The following GSR variants were observed in gnomAD, a reference collection of about 807,000 sequenced individuals.
GSR encodes glutathione reductase, mitochondrial.
In GSR, 48 loss-of-function variants were observed where a neutral mutation model predicts 56.5. That is an observed-to-expected ratio of 0.85 (90% CI 0.67 to 1.08). The LOEUF is 1.08. Among genes scored for constraint, GSR ranks in the 50% least tolerant of loss-of-function variants. The pLI, the probability that GSR is intolerant of heterozygous loss-of-function variation, is 0.00. For missense variants in GSR, 694 were observed against 703.3 expected (o/e 0.99, Z 0.15); for synonymous variants, 264 against 270.8 (o/e 0.97, Z 0.25).
intron 1 of GSR, among the ~76,000 whole-genome samples, chr8:30,718,298 C>T (rs1804411111): frequency 6.6e-6 from 1 of 151,912 alleles, no homozygotes; most frequent in Admixed American, 6.6e-5. Flanking sequence ...GAGCACAGGC[C>T]TCAAGTCAGA....
Position 30,727,677 on chromosome 8 carries a change from C to A in GSR, c.159G>T (p.Gln53His). 1 of 1,440,422 alleles carries A rather than the reference C, an allele frequency of 6.9e-7. No individual in the cohort carries two copies. Among genetic ancestry groups the A allele is most frequent in the African/African-American group, 1.5e-5 (1 of 66,642 alleles). The allele number at this position is 1,440,422 out of a possible 1,614,324, so 89.2% of individuals were successfully genotyped here. A position where few individuals can be genotyped will look rare whatever the true frequency, so the allele number is the denominator to read the frequency against. ...CGGCGCCAGCAGCGGGCGGCGGGCCCTGCGGCTGCGGCTCCTGCCTGCAGG... is the reference window on the plus strand; with the variant it reads ...CGGCGCCAGCAGCGGGCGGCGGGCCATGCGGCTGCGGCTCCTGCCTGCAGG... ...AMACRQEPQP[Q>H]GPPPAAGAVA... Residue 53 changes from glutamine (Q) to histidine (H), a missense_variant, in exon 1 of 13, where the codon CAG becomes CAT. Coordinates refer to ENST00000221130, the MANE Select transcript of GSR (RefSeq NM_000637.5).
intron 8 of GSR, among the ~76,000 whole-genome samples, chr8:30,690,541 G>A (rs73670181): frequency 0.02 from 3,059 of 152,102 alleles, 98 homozygotes; most frequent in African/African-American, 0.07. Flanking sequence ...TTTACTGAAG[G>A]TCCTAAGGTG....
At chr8:30,689,904 T>G (rs959899756) in intron 8 of GSR, among the ~76,000 whole-genome samples, 3 of 143,006 alleles carry the variant, frequency 2.1e-5, no homozygotes, top group Non-Finnish European at 4.6e-5. Flanking sequence ...TATATTTTTA[T>G]TAAATATATG....
intron 3 of GSR, 133 bp from the exon 4 acceptor site, chr8:30,708,274 C>T: frequency 1.3e-6 from 1 of 741,090 alleles, no homozygotes; most frequent in Non-Finnish European, 2.5e-6. Context: ...GTGAATGTCT[C>T]CGAAGACAGT....
chr8:30,703,312 C>T, intron 4 of GSR, 72 bp from the exon 5 acceptor site: 11 of 1,313,668 alleles, frequency 8.4e-6, no homozygotes. Context: ...CTTATCAGAA[C>T]TTTCATTTCT....
At position 30,684,100 on chromosome 8, in the gene GSR, G is replaced by T. The variant is rs1157541987; in HGVS notation, c.1141C>A (p.Leu381Ile). Residue 381 changes from leucine (L) to isoleucine (I), a missense_variant, in exon 10 of 13, where the codon CTT becomes ATT. By Grantham distance (5) the Leu-to-Ile change is conservative (BLOSUM62 2). Coordinates refer to ENST00000221130, the MANE Select transcript of GSR (RefSeq NM_000637.5). ...YAVGDVCGKA[L>I]LTPVAIAAGR... Reference sequence around the variant, plus strand: ...GAAGAGACCTTACCTGGAGTAAGAAGAGCTTTTCCACATACATCCCCAACT... The same window carrying T: ...GAAGAGACCTTACCTGGAGTAAGAATAGCTTTTCCACATACATCCCCAACT... The T allele has an allele frequency of 1.3e-6, 2 of 1,566,312 alleles. No individual in the cohort carries two copies. The highest frequency in any genetic ancestry group is 1.1e-5 in the South Asian group (1 of 90,126).
chr8:30,704,122 C>T (rs766021593), intron 4 of GSR, among the ~76,000 whole-genome samples: 3 of 151,926 alleles, frequency 2.0e-5, no homozygotes, highest in Non-Finnish European at 2.9e-5. Flanking sequence ...GTCGGGAGTT[C>T]GAGACCAGCC....
In GSR at chr8:30,681,976, AGTTGGGATGTT is replaced by A; in HGVS notation, c.1228_1238del (p.Asn410CysfsTer17). 4 of 1,613,210 alleles carry A rather than the reference AGTTGGGATGTT, an allele frequency of 2.5e-6. No individual in the cohort carries two copies. In the African/African-American group the frequency reaches 4.0e-5, roughly 16 times the overall value. ...CAATAGGGGGGTGGCTGAAGACCACAGTTGGGATGTTGTTATAATCTAATTTGGAATCTTCC... is the reference window on the plus strand; with the variant it reads ...CAATAGGGGGGTGGCTGAAGACCACAGTTATAATCTAATTTGGAATCTTCC... On this transcript the variant is annotated frameshift_variant, in exon 11 of 13. Coordinates refer to ENST00000221130, the MANE Select transcript of GSR (RefSeq NM_000637.5). LOFTEE classifies it high-confidence loss of function.
chr8:30,722,809 C>T (rs1178889808), intron 1 of GSR, among the ~76,000 whole-genome samples: 3 of 151,210 alleles, frequency 2.0e-5, no homozygotes, highest in Non-Finnish European at 4.4e-5. Flanking sequence ...TCAAAGTACA[C>T]AGTATCACTT....
intron 4 of GSR, among the ~76,000 whole-genome samples, chr8:30,707,681 G>A (rs1489518815): frequency 2.0e-5 from 3 of 151,344 alleles, no homozygotes; most frequent in Admixed American, 6.6e-5. Flanking sequence ...AGGGCCGGGT[G>A]CAGTGGCTCA....
rs1563550268 is a variant in GSR at position 30,727,819 on chromosome 8, CG to C, written c.16del (p.Arg6GlufsTer3). The C allele has an allele frequency of 1.6e-6, 2 of 1,277,238 alleles. No homozygotes were observed. The highest frequency in any genetic ancestry group is 3.4e-5 in the East Asian group (1 of 29,268). The allele number at this position is 1,277,238 out of a possible 1,614,324, so 79.1% of individuals were successfully genotyped here. A position where few individuals can be genotyped will look rare whatever the true frequency, so the allele number is the denominator to read the frequency against. MALLP[R>X]ALSAGAGPSW... ...CGGTCCCGCGCCGGCGCTCAGGGCTCGGGGCAGCAGGGCCATGCACGCGGAA... is the reference window on the plus strand; with the variant it reads ...CGGTCCCGCGCCGGCGCTCAGGGCTCGGGCAGCAGGGCCATGCACGCGGAA... On this transcript the variant is annotated frameshift_variant, in exon 1 of 13. Coordinates refer to ENST00000221130, the MANE Select transcript of GSR (RefSeq NM_000637.5). LOFTEE classifies it high-confidence loss of function.
rs1013228453 is a variant in GSR at position 30,727,722 on chromosome 8, G to C, written c.114C>G (p.Arg38=). 15 of 1,405,274 alleles carry C rather than the reference G, an allele frequency of 1.1e-5. No homozygotes were observed. The African/African-American group carries it at 2.3e-4, about 21-fold the overall frequency. The allele number at this position is 1,405,274 out of a possible 1,614,324, so 87.1% of individuals were successfully genotyped here. The change falls in exon 1 of 13, where the codon CGC becomes CGG. Residue 38 remains arginine (R), a synonymous_variant. Transcript: ENST00000221130. The part of the protein sequence containing the change: ...LLLPEPAALT[R]ALSRAMACRQ... ...TGCAGGCCATGGCACGGGAGAGGGC[G>C]CGCGTGAGGGCCGCGGGCTCGGGCA...
intron 9 of GSR, 143 bp from the exon 10 acceptor site, chr8:30,684,342 A>G: frequency 1.4e-6 from 1 of 719,918 alleles, no homozygotes; most frequent in Non-Finnish European, 2.6e-6. Context: ...CTGCAACACG[A>G]AAGGCATTTA....
chr8:30,703,268 G>A (rs771195605), intron 4 of GSR, 28 bp from the exon 5 acceptor site: 6 of 1,606,968 alleles, frequency 3.7e-6, no homozygotes, highest in South Asian at 3.3e-5. Flanking sequence ...ACATTAGCCT[G>A]TTCTTAGAAT....
rs8190908 is a variant in GSR, at chr8:30,717,249, G to GAAAC, written c.307-5165_307-5162dup. On this transcript the variant is annotated intron_variant, in intron 1 of 12. Transcript: ENST00000221130. ...CGAAACTCTATCTCAAAAGAAAAAG[G>GAAAC]AAACAAACAAACAAACACATTAGAG... Among the ~76,000 whole-genome samples, 42 of 151,852 alleles carry GAAAC rather than the reference G, an allele frequency of 2.8e-4. 1 individual carries two copies. Among genetic ancestry groups the GAAAC allele is most frequent in the Admixed American group, 7.9e-4 (12 of 15,222 alleles).
At chr8:30,700,735 A>AAAAAAAAAAAT (rs1803708064) in intron 5 of GSR, among the ~76,000 whole-genome samples, 1 of 149,670 alleles carries the variant, frequency 6.7e-6, no homozygotes, top group Non-Finnish European at 1.5e-5. Flanking sequence ...AAAAAAAAAA[A>AAAAAAAAAAAT]AAAAAAAAAA....
At chr8:30,689,074 C>T (rs996746229) in intron 9 of GSR, 87 bp downstream of exon 9, 4 of 1,136,904 alleles carry the variant, frequency 3.5e-6, no homozygotes, top group African/African-American at 1.5e-5. Flanking sequence ...ATGGAATCCA[C>T]CCAAGTTTTG....
intron 1 of GSR, among the ~76,000 whole-genome samples, chr8:30,715,883 T>A (rs1376742152): frequency 6.6e-5 from 10 of 152,188 alleles, no homozygotes; most frequent in Admixed American, 6.5e-4. Context: ...TTTAAAAATA[T>A]GTTTTTTAAA....
chr8:30,724,064 T>C (rs1172026189), intron 1 of GSR, among the ~76,000 whole-genome samples: 1 of 152,156 alleles, frequency 6.6e-6, no homozygotes. Context: ...AGGAAAGAAC[T>C]CATGGGAGAA....
Sources: gnomAD v4.1 joint callset for allele counts (sites outside exome capture counted in the v4.1 genomes callset) on GRCh38, gnomAD v4.1.1 for gene constraint, MANE v1.5 for transcripts, NCBI Gene and HGNC (gene_info 2026-07-23, HGNC 2026-07-21) for gene names.